The following SEMA4B variants were observed in gnomAD, a reference collection of about 807,000 sequenced individuals.
The protein encoded by SEMA4B is semaphorin-4B.
A neutral mutation model predicts 88.1 loss-of-function variants in SEMA4B; 55 were observed. The ratio of observed to expected loss-of-function variants is 0.62; its 90% CI spans 0.50 to 0.78. SEMA4B has a LOEUF of 0.78. Among genes scored for constraint, SEMA4B ranks in the 30% least tolerant of loss-of-function variants. The probability of loss-of-function intolerance (pLI) is 0.00; values close to 1 mark genes in which losing one functional copy is unlikely to be tolerated. For synonymous variants in SEMA4B, 525 were observed against 473.6 expected (o/e 1.11, Z -1.41); for missense variants, 1,062 against 1,111.9 (o/e 0.96, Z 0.64).
rs1962135256 is a variant in SEMA4B at position 90,225,735 on chromosome 15, T to C, written c.1596T>C (p.Cys532=). 1.3e-6 allele frequency: 2 copies of C among 1,574,300 alleles called. No individual in the cohort carries two copies. The highest frequency in any genetic ancestry group is 3.6e-5 in the Admixed American group (2 of 55,050). The part of the protein sequence containing the change: ...PMANCSLYRS[C]GDCLLARDPY... ...CCAACTGCAGCCTGTACAGGAGCTG[T>C]GGGGACTGCCTCCTCGCCCGGGACC... The change falls in exon 12 of 14, where the codon TGT becomes TGC. Residue 532 remains cysteine, a synonymous_variant. Coordinates refer to ENST00000411539, the MANE Select transcript of SEMA4B (RefSeq NM_198925.4).
At chr15:90,208,941 C>G (rs1008708071) in intron 1 of SEMA4B, among the ~76,000 whole-genome samples, 1 of 152,042 alleles carries the variant, frequency 6.6e-6, no homozygotes, top group African/African-American at 2.4e-5. Flanking sequence ...AGGGTTTCAT[C>G]ATGTTGCCCA....
chr15:90,222,129 G>T lies in SEMA4B; in HGVS notation c.861+364G>T, dbSNP rs148595073. Among the ~76,000 whole-genome samples the T allele has an allele frequency of 6.1e-4, 92 of 150,808 alleles. 1 individual carries two copies. The highest frequency in any genetic ancestry group is 2.1e-3 in the African/African-American group (86 of 41,200). Reference sequence around the variant, plus strand: ...TAATTTTTGTATTTTTTGTAGAGATGGGGTTTTACCACGTTGCCTGGGCTG... The same window carrying T: ...TAATTTTTGTATTTTTTGTAGAGATTGGGTTTTACCACGTTGCCTGGGCTG... On this transcript the variant is annotated intron_variant, in intron 7 of 13. Transcript: ENST00000411539.
In SEMA4B at chr15:90,201,700, C is replaced by A. The variant is rs771406198; in HGVS notation, c.122C>A (p.Thr41Asn). The change falls in exon 1 of 14, where the codon ACC becomes AAC. Residue 41 changes from threonine to asparagine, a missense_variant. Transcript: ENST00000411539. ...CTCCTGCTGCAGCCGCCGCCTCCGA[C>A]CTGGGCGCTCAGCCCCCGGATCAGC... ...LLLLLQPPPPTWALSPRISLP... is the reference protein window; with the variant it reads ...LLLLLQPPPPNWALSPRISLP... 11 of 1,501,654 alleles carry A rather than the reference C, an allele frequency of 7.3e-6. No individual in the cohort carries two copies. The highest frequency in any genetic ancestry group is 9.7e-6 in the Non-Finnish European group (11 of 1,131,372). 93.0% of individuals were successfully genotyped at this position (1,501,654 alleles called of 1,614,324 possible). A position where few individuals can be genotyped will look rare whatever the true frequency, so the allele number is the denominator to read the frequency against.
At chr15:90,196,822 A>T (rs1960524629), upstream of SEMA4B, among the ~76,000 whole-genome samples, 1 of 152,190 alleles carries the variant, frequency 6.6e-6, no homozygotes, top group African/African-American at 2.4e-5. Flanking sequence ...TTTGGTAAAG[A>T]AAAGCTTCCT....
chr15:90,206,090 A>G lies in SEMA4B; in HGVS notation c.157+4355A>G, dbSNP rs559595004. ...CATATCTGGATATACCAGCATGTTC[A>G]TCCTCTAGGCAAGAGACAGAGGGTG... On this transcript the variant is annotated intron_variant, in intron 1 of 13. Coordinates refer to ENST00000411539, the MANE Select transcript of SEMA4B (RefSeq NM_198925.4). Among the ~76,000 whole-genome samples the G allele has an allele frequency of 3.9e-5, 6 of 152,324 alleles. No individual in the cohort carries two copies. In the East Asian group the frequency reaches 1.2e-3, roughly 29 times the overall value.
upstream of SEMA4B, among the ~76,000 whole-genome samples, chr15:90,196,366 A>G (rs1401373341): frequency 6.6e-6 from 1 of 152,146 alleles, no homozygotes; most frequent in East Asian, 1.9e-4. Flanking sequence ...CCCTTTGGTA[A>G]TTAGTAAGTC....
intron 11 of SEMA4B, 74 bp downstream of exon 11, chr15:90,225,471 C>T: frequency 7.2e-7 from 1 of 1,393,762 alleles, no homozygotes; most frequent in Non-Finnish European, 9.9e-7. Flanking sequence ...AGTCCCCACC[C>T]AGCTTCTCCT....
rs749375567 is a variant in SEMA4B at position 90,228,064 on chromosome 15, G to A, written c.1935G>A (p.Leu645=). 1.9e-6 allele frequency: 3 copies of A among 1,613,704 alleles called. No individual in the cohort carries two copies. In the Admixed American group the frequency reaches 5.0e-5, roughly 27 times the overall value. ...TGCTACCCACTGGGGACCTGCTGCT[G>A]GTGGGCACCCAACAGCTGGGGGAGT... ...CHVLPTGDLL[L]VGTQQLGEFQ... Residue 645 remains leucine, a synonymous_variant, in exon 14 of 14, where the codon CTG becomes CTA. Transcript: ENST00000411539.
chr15:90,186,046 G>A (rs897450671), intron 1 of SEMA4B, among the ~76,000 whole-genome samples: 5 of 143,722 alleles, frequency 3.5e-5, no homozygotes, highest in African/African-American at 1.3e-4. Context: ...TGACTCTTCT[G>A]CCTCAGCCTC....
Position 90,224,004 on chromosome 15 carries a change from C to G in SEMA4B, c.1194+16C>G, listed in dbSNP as rs1224316888. ...GCCTGGAGCGGTGGGTACTGGCTCC[C>G]TGCACCCAGAAGGGGTGCCGGGAAG... On this transcript the variant is annotated intron_variant, in intron 9 of 13. Transcript: ENST00000411539. 9 of 1,600,940 alleles carry G rather than the reference C, an allele frequency of 5.6e-6. No homozygotes were observed. The highest frequency in any genetic ancestry group is 7.7e-6 in the Non-Finnish European group (9 of 1,171,646).
In SEMA4B at chr15:90,226,409, C is replaced by G. The variant is rs560580862; in HGVS notation, c.1688+582C>G. Among the ~76,000 whole-genome samples the G allele has an allele frequency of 1.4e-4, 21 of 152,152 alleles. 1 individual carries two copies. The highest frequency in any genetic ancestry group is 3.1e-4 in the Non-Finnish European group (21 of 68,034). Reference sequence around the variant, plus strand: ...AGGCTGGAGTGCAGTGGCACAATCTCGGTTCACTGCAACCTCCACGTCCTG... The same window carrying G: ...AGGCTGGAGTGCAGTGGCACAATCTGGGTTCACTGCAACCTCCACGTCCTG... On this transcript the variant is annotated intron_variant, in intron 12 of 13. Transcript: ENST00000411539.
At chr15:90,188,070 G>A (rs1056683607) in intron 1 of SEMA4B, among the ~76,000 whole-genome samples, 7 of 151,714 alleles carry the variant, frequency 4.6e-5, no homozygotes, top group African/African-American at 1.7e-4. Context: ...TGTAATCCCA[G>A]CACTTTGGGA....
intron 3 of SEMA4B, 149 bp downstream of exon 3, chr15:90,217,978 A>G (rs1176304860): frequency 9.3e-6 from 6 of 644,428 alleles, no homozygotes; most frequent in Admixed American, 2.6e-5. Context: ...CTGGGTTTGA[A>G]TCCCAGCACT....
rs751329744 is a variant in SEMA4B, at chr15:90,227,576, G to A, written c.1708G>A (p.Glu570Lys). 2.1e-5 allele frequency: 34 copies of A among 1,613,878 alleles called. No homozygotes were observed. Among genetic ancestry groups the A allele is most frequent in the South Asian group, 7.7e-5 (7 of 91,088 alleles). ...CCTCAGGCCGTGGATCCAGGACATC[G>A]AGGGAGCCAGCGCCAAGGACCTTTG... is the stretch of plus-strand genomic sequence containing the variant. ...LATRPWIQDI[E>K]GASAKDLCSA... Residue 570 changes from glutamate (E) to lysine (K), a missense_variant, in exon 13 of 14, where the codon GAG becomes AAG. Glu to Lys is a moderately conservative substitution (Grantham distance 56). Coordinates refer to ENST00000411539, the MANE Select transcript of SEMA4B (RefSeq NM_198925.4).
intron 3 of SEMA4B, 74 bp downstream of exon 3, chr15:90,217,903 C>A: frequency 7.5e-7 from 1 of 1,337,140 alleles, no homozygotes; most frequent in Non-Finnish European, 1.1e-6. Context: ...AGGCCAGAGG[C>A]GGGAGGTGGG....
Position 90,217,621 on chromosome 15 carries a change from A to C in SEMA4B, c.321+19A>C, listed in dbSNP as rs756707287. 3 of 1,612,664 alleles carry C rather than the reference A, an allele frequency of 1.9e-6. No homozygotes were observed. Among genetic ancestry groups the C allele is most frequent in the Non-Finnish European group, 2.5e-6 (3 of 1,179,112 alleles). ...CCAGGAGGTGAGAGATGTTGCCTGG[A>C]GCTGGCTAGGCTGGGCAGAGGACCA... On this transcript the variant is annotated intron_variant, in intron 2 of 13. Coordinates refer to ENST00000411539, the MANE Select transcript of SEMA4B (RefSeq NM_198925.4).
upstream of SEMA4B, among the ~76,000 whole-genome samples, chr15:90,197,569 C>A (rs1485502571): frequency 6.6e-6 from 1 of 151,450 alleles, no homozygotes; most frequent in South Asian, 2.1e-4. Context: ...TCCCGAGTAG[C>A]TGGGACTACA....
At chr15:90,221,325 C>A in intron 5 of SEMA4B, 42 bp from the exon 6 acceptor site, 1 of 1,476,564 alleles carries the variant, frequency 6.8e-7, no homozygotes, top group Non-Finnish European at 9.3e-7. Context: ...GAGAAGGGGC[C>A]GTGCTGAGGA....
chr15:90,224,934 G>A, intron 9 of SEMA4B, 34 bp from the exon 10 acceptor site: 1 of 1,588,734 alleles, frequency 6.3e-7, no homozygotes, highest in Non-Finnish European at 8.6e-7. Flanking sequence ...ACCCCGAGGT[G>A]TGGCTGGCCT....
Sources: allele counts gnomAD v4.1 joint callset (sites outside exome capture counted in the v4.1 genomes callset), GRCh38; gene constraint gnomAD v4.1.1; transcripts MANE v1.5; gene names NCBI Gene and HGNC (gene_info 2026-07-23, HGNC 2026-07-21).